SLC2A9: variants seen among roughly 807,000 people sequenced by gnomAD.
The protein encoded by SLC2A9 is solute carrier family 2, facilitated glucose transporter member 9.
Under a neutral mutation model 50.6 loss-of-function variants are expected in SLC2A9, and 39 were observed. The ratio of observed to expected loss-of-function variants is 0.77; its 90% confidence interval spans 0.60 to 1.01. The LOEUF (loss-of-function observed/expected upper bound fraction) is 1.01, where lower values mean the gene tolerates loss of function less well. Among genes scored for constraint, SLC2A9 ranks in the 50% least tolerant of loss-of-function variants. The pLI is 0.00. For missense variants in SLC2A9, 686 were observed against 677.6 expected (o/e 1.01, Z -0.14); for synonymous variants, 324 against 276.9 (o/e 1.17, Z -1.69).
At chr4:10,013,624 G>A (rs1009363480) in intron 2 of SLC2A9, among the ~76,000 whole-genome samples, 3 of 152,236 alleles carry the variant, frequency 2.0e-5, no homozygotes, top group Non-Finnish European at 4.4e-5. Context: ...GGTGCCCAGA[G>A]GCGAGTTATT....
At chr4:9,877,960 G>C (rs546991298) in intron 10 of SLC2A9, among the ~76,000 whole-genome samples, 1 of 151,990 alleles carries the variant, frequency 6.6e-6, no homozygotes, top group Non-Finnish European at 1.5e-5. Context: ...GGGGTCAGCC[G>C]GGGCCAGCAG....
chr4:9,877,366 C>T (rs1335140506), intron 10 of SLC2A9, among the ~76,000 whole-genome samples: 3 of 152,220 alleles, frequency 2.0e-5, no homozygotes, highest in South Asian at 4.1e-4. Context: ...AGCCCTCCCA[C>T]CCAACTTGGG....
At chr4:9,787,203 T>C (rs1362076602) in intron 3 of SLC2A9, among the ~76,000 whole-genome samples, 1 of 152,226 alleles carries the variant, frequency 6.6e-6, no homozygotes, top group Non-Finnish European at 1.5e-5. Context: ...TGAATCTTCT[T>C]TTATAATTAC....
At chr4:10,032,283 T>C (rs1244902290) in intron 1 of SLC2A9, among the ~76,000 whole-genome samples, 4 of 151,950 alleles carry the variant, frequency 2.6e-5, no homozygotes, top group Admixed American at 2.6e-4. Flanking sequence ...CATCTGTAGA[T>C]GTGGGGTTGT....
chr4:9,810,841 C>A (rs1722786555), intron 3 of SLC2A9, among the ~76,000 whole-genome samples: 1 of 152,248 alleles, frequency 6.6e-6, no homozygotes, highest in African/African-American at 2.4e-5. Context: ...CTGGAAGGGC[C>A]AGTGGGCAAT....
At chr4:9,959,844 G>A (rs938549025) in intron 5 of SLC2A9, among the ~76,000 whole-genome samples, 1 of 152,220 alleles carries the variant, frequency 6.6e-6, no homozygotes, top group African/African-American at 2.4e-5. Context: ...CAACCAGACT[G>A]TATCCTGGGC....
chr4:9,781,935 G>C, intron 3 of SLC2A9: 1 of 1,123,608 alleles, frequency 8.9e-7, no homozygotes. Context: ...CCTTGGCTGA[G>C]GGGGCGCATC....
intron 3 of SLC2A9, among the ~76,000 whole-genome samples, chr4:9,787,662 C>G (rs1385767634): frequency 6.6e-6 from 1 of 152,256 alleles, no homozygotes; most frequent in East Asian, 1.9e-4. Flanking sequence ...GCTGTCCCCT[C>G]TAATTTGAAA....
chr4:9,920,409 G>C lies in SLC2A9; in HGVS notation c.978C>G (p.Cys326Trp). ...CTGCATTGAGGCCACAGAGCTGGTAGCAGGCCATGGTGACAATCACGGTGA... is the reference window on the plus strand; with the variant it reads ...CTGCATTGAGGCCACAGAGCTGGTACCAGGCCATGGTGACAATCACGGTGA... ...QVVTVIVTMACYQLCGLNAIW... is the reference protein window; with the variant it reads ...QVVTVIVTMAWYQLCGLNAIW... Residue 326 changes from cysteine (C) to tryptophan (W), a missense_variant, in exon 7 of 12, where the codon TGC becomes TGG. Cys to Trp is a radical substitution (Grantham distance 215, BLOSUM62 -2). Coordinates refer to ENST00000264784, the MANE Select transcript of SLC2A9 (RefSeq NM_020041.3). The C allele has an allele frequency of 1.2e-6, 2 of 1,614,192 alleles. No homozygotes were observed. The highest frequency in any genetic ancestry group is 1.7e-6 in the Non-Finnish European group (2 of 1,180,034).
At chr4:9,867,270 G>C (rs924779416) in intron 10 of SLC2A9, among the ~76,000 whole-genome samples, 9 of 152,190 alleles carry the variant, frequency 5.9e-5, no homozygotes, top group African/African-American at 2.2e-4. Flanking sequence ...AAAGAAGAAA[G>C]AAAGTAGACG....
intron 1 of SLC2A9, chr4:10,034,855 GC>G (rs1406981362): frequency 2.0e-5 from 3 of 152,250 alleles, no homozygotes; most frequent in Non-Finnish European, 4.4e-5. Flanking sequence ...TGACACGTGA[GC>G]CAAGCCCCCT....
At chr4:10,034,561 G>C (rs1764037984) in intron 1 of SLC2A9, 1 of 152,382 alleles carries the variant, frequency 6.6e-6, no homozygotes, top group African/African-American at 2.4e-5. Context: ...GAGCAGTGCA[G>C]GACTCGCGGC....
At chr4:9,891,919 C>T (rs1016645399) in intron 8 of SLC2A9, among the ~76,000 whole-genome samples, 5 of 151,852 alleles carry the variant, frequency 3.3e-5, no homozygotes, top group Non-Finnish European at 7.3e-5. Flanking sequence ...CACATGGCTC[C>T]TGCCTGCCAG....
At chr4:9,945,595 A>G (rs775971667) in intron 5 of SLC2A9, among the ~76,000 whole-genome samples, 7 of 152,168 alleles carry the variant, frequency 4.6e-5, no homozygotes, top group Non-Finnish European at 8.8e-5. Flanking sequence ...GGGATCCCAG[A>G]GTCTGAATTC....
At chr4:9,910,981 T>C (rs542403637) in intron 7 of SLC2A9, among the ~76,000 whole-genome samples, 26 of 141,928 alleles carry the variant, frequency 1.8e-4, no homozygotes, top group East Asian at 1.4e-3. Context: ...GGGAACATCA[T>C]ACACCAGGGC....
chr4:10,015,066 G>C (rs1762390128), intron 2 of SLC2A9, among the ~76,000 whole-genome samples: 1 of 152,198 alleles, frequency 6.6e-6, no homozygotes, highest in Admixed American at 6.5e-5. Flanking sequence ...GTTGGGACAG[G>C]ATTCAGACAA....
chr4:9,870,313 G>A (rs780762866), intron 10 of SLC2A9, among the ~76,000 whole-genome samples: 38 of 152,234 alleles, frequency 2.5e-4, no homozygotes, highest in African/African-American at 6.8e-4. Context: ...ATAATTAAGT[G>A]ACAAATTCCT....
At chr4:9,906,159 G>GA (rs1740624394) in intron 8 of SLC2A9, among the ~76,000 whole-genome samples, 1 of 152,178 alleles carries the variant, frequency 6.6e-6, no homozygotes, top group South Asian at 2.1e-4. Context: ...ATGAAGCAGG[G>GA]ATGATGGCTT....
intron 3 of SLC2A9, among the ~76,000 whole-genome samples, chr4:9,815,046 G>A (rs569865584): frequency 5.9e-5 from 9 of 152,280 alleles, no homozygotes; most frequent in Admixed American, 1.3e-4. Context: ...TTGGAAACTG[G>A]AAGAAGAGGG....
Sources: gnomAD v4.1 joint callset for allele counts (sites outside exome capture counted in the v4.1 genomes callset) on GRCh38, gnomAD v4.1.1 for gene constraint, MANE v1.5 for transcripts, NCBI Gene and HGNC (gene_info 2026-07-23, HGNC 2026-07-21) for gene names.